Variants in TXLNB observed in about 807,000 individuals in gnomAD.
TXLNB encodes the protein taxilin beta.
TXLNB carries 37 observed loss-of-function variants against 57.4 expected under a neutral mutation model. That is an observed-to-expected ratio of 0.64 (90% CI 0.50 to 0.85). The LOEUF (loss-of-function observed/expected upper bound fraction) is 0.85, where lower values mean the gene tolerates loss of function less well. Ranked by LOEUF, TXLNB falls within the 40% of genes least tolerant of loss-of-function variation. The pLI is 0.00. For synonymous variants in TXLNB, 302 were observed against 309.6 expected, an observed-to-expected ratio of 0.98 and a Z score of 0.26; for missense variants, 848 against 825.6, an observed-to-expected ratio of 1.03 and a Z score of -0.33.
the TXLNB span, among the ~76,000 whole-genome samples, chr6:139,207,592 AC>A: frequency 8.2e-4 from 125 of 152,294 alleles, no homozygotes; most frequent in Non-Finnish European, 1.9e-4. Context: ...ACAAGAACAA[AC>A]TAAATACAAG....
chr6:139,318,987 G>A, the TXLNB span, among the ~76,000 whole-genome samples: 10 of 140,376 alleles, frequency 7.1e-5, no homozygotes, highest in African/African-American at 2.7e-4. Flanking sequence ...CTGTCACCCA[G>A]GCTGGAGTGC....
chr6:139,320,677 G>C, the TXLNB span, among the ~76,000 whole-genome samples: 1 of 151,866 alleles, frequency 6.6e-6, no homozygotes, highest in African/African-American at 2.4e-5. Context: ...TGAGCAGTGT[G>C]ATTGTTCCCA....
upstream of TXLNB, among the ~76,000 whole-genome samples, chr6:139,292,530 C>A (rs1777323589): frequency 6.6e-6 from 1 of 152,140 alleles, no homozygotes; most frequent in Non-Finnish European, 1.5e-5. The surrounding 1 kb of genome is among the most constrained non-coding windows in gnomAD (Gnocchi z 4.0). Flanking sequence ...CATTTTAATT[C>A]TGATGTCATT....
At chr6:139,288,967 A>G (rs1166351392) in intron 1 of TXLNB, 54 bp from the exon 2 acceptor site, 9 of 1,303,598 alleles carry the variant, frequency 6.9e-6, no homozygotes, top group African/African-American at 2.9e-5. Context: ...CTACATATCA[A>G]TGCTACATTT....
chr6:139,269,492 G>A (rs570772304), intron 4 of TXLNB, among the ~76,000 whole-genome samples: 2 of 152,238 alleles, frequency 1.3e-5, no homozygotes, highest in African/African-American at 4.8e-5. Flanking sequence ...TCTAAAACCT[G>A]CCATTTGAGA....
chr6:139,293,404 A>G (rs1777339228), upstream of TXLNB, among the ~76,000 whole-genome samples: 1 of 152,032 alleles, frequency 6.6e-6, no homozygotes, highest in African/African-American at 2.4e-5. Flanking sequence ...AAGGGTCTTT[A>G]TAAATGAGGG....
At chr6:139,160,523 T>G in the TXLNB span, among the ~76,000 whole-genome samples, 4 of 152,196 alleles carry the variant, frequency 2.6e-5, no homozygotes, top group African/African-American at 9.6e-5. Context: ...ACTTGATCCT[T>G]CCACCTCAGC....
intron 7 of TXLNB, among the ~76,000 whole-genome samples, chr6:139,249,783 G>T (rs992244275): frequency 1.3e-5 from 2 of 152,120 alleles, no homozygotes; most frequent in Non-Finnish European, 2.9e-5. Flanking sequence ...CCAAAGAAAA[G>T]CCAAATGACA....
the TXLNB span, among the ~76,000 whole-genome samples, chr6:139,312,457 A>C: frequency 2.0e-5 from 3 of 152,248 alleles, no homozygotes; most frequent in Non-Finnish European, 4.4e-5. Context: ...AGTGGAGATT[A>C]AACTGTGAGG....
the TXLNB span, among the ~76,000 whole-genome samples, chr6:139,212,805 C>CA: frequency 4.6e-5 from 7 of 151,696 alleles, no homozygotes; most frequent in Non-Finnish European, 8.8e-5. Flanking sequence ...AAATAGAAAA[C>CA]AAAAAAAGGC....
intron 8 of TXLNB, 110 bp downstream of exon 8, chr6:139,247,707 A>G (rs1776100489): frequency 2.8e-6 from 2 of 704,480 alleles, no homozygotes; most frequent in African/African-American, 1.8e-5. Context: ...ACATTTCATT[A>G]CTTTGTGAAA....
chr6:139,230,229 G>A, the TXLNB span, among the ~76,000 whole-genome samples: 1 of 152,176 alleles, frequency 6.6e-6, no homozygotes, highest in African/African-American at 2.4e-5. Flanking sequence ...GCTAGTCAGT[G>A]CTAAATATTT....
At chr6:139,273,037 AAAAAAAG>A (rs911395385) in intron 3 of TXLNB, among the ~76,000 whole-genome samples, 1 of 152,202 alleles carries the variant, frequency 6.6e-6, no homozygotes, top group African/African-American at 2.4e-5. Flanking sequence ...TCCATCTCAA[AAAAAAAG>A]AAAAAAGAAA....
At chr6:139,230,270 T>C in the TXLNB span, among the ~76,000 whole-genome samples, 1 of 152,148 alleles carries the variant, frequency 6.6e-6, no homozygotes, top group East Asian at 1.9e-4. Context: ...CAGCAAAAAA[T>C]CTCTTGGCAC....
At chr6:139,244,759 T>TG in intron 8 of TXLNB, 69 bp from the exon 9 acceptor site, 1 of 1,042,036 alleles carries the variant, frequency 9.6e-7, no homozygotes, top group South Asian at 1.3e-5. Context: ...ATTAGCTCCA[T>TG]ATGTGAGACC....
At chr6:139,166,096 G>T in the TXLNB span, 1 of 547,430 alleles carries the variant, frequency 1.8e-6, no homozygotes, top group South Asian at 2.7e-5. Context: ...CCACCAGACT[G>T]GTTGGTTAAG....
At chr6:139,300,535 T>C in the TXLNB span, among the ~76,000 whole-genome samples, 37 of 152,208 alleles carry the variant, frequency 2.4e-4, no homozygotes, top group Non-Finnish European at 4.4e-5. Context: ...TACCTGAACC[T>C]GTCTGCCTTT....
At chr6:139,262,837 G>C (rs1776520804) in intron 4 of TXLNB, 64 bp from the exon 5 acceptor site, 1 of 1,535,252 alleles carries the variant, frequency 6.5e-7, no homozygotes, top group Non-Finnish European at 8.9e-7. Flanking sequence ...TCAGCATTAG[G>C]TCACCTAAAG....
At chr6:139,309,888 C>T in the TXLNB span, among the ~76,000 whole-genome samples, 1 of 152,136 alleles carries the variant, frequency 6.6e-6, no homozygotes, top group African/African-American at 2.4e-5. Flanking sequence ...AAAGAACAGT[C>T]TCTTCAATAA....
Sources: gnomAD v4.1 joint callset for allele counts (sites outside exome capture counted in the v4.1 genomes callset) on GRCh38, gnomAD v4.1.1 for gene constraint, Gnocchi (gnomAD v3.1) non-coding constraint, MANE v1.5 for transcripts, NCBI Gene and HGNC (gene_info 2026-07-23, HGNC 2026-07-21) for gene names.